Variants in ADAMTSL3 observed in about 807,000 individuals in gnomAD.
ADAMTSL3 encodes the protein ADAMTS like 3.
Under a neutral mutation model 201.7 loss-of-function variants are expected in ADAMTSL3, and 128 were observed. The observed-to-expected ratio is 0.63, with a 90% CI of 0.55 to 0.73. The LOEUF is 0.73. Among genes scored for constraint, ADAMTSL3 ranks in the 30% least tolerant of loss-of-function variants. The pLI, the probability that ADAMTSL3 is intolerant of heterozygous loss-of-function variation, is 0.00. For missense variants in ADAMTSL3, 1,990 were observed against 2,119.6 expected, an observed-to-expected ratio of 0.94 and a Z score of 1.20; for synonymous variants, 738 against 748.4, an observed-to-expected ratio of 0.99 and a Z score of 0.23.
At chr15:83,948,013 G>A (rs1004424115) in intron 19 of ADAMTSL3, among the ~76,000 whole-genome samples, 2 of 151,922 alleles carry the variant, frequency 1.3e-5, no homozygotes, top group Non-Finnish European at 2.9e-5. Context: ...CTCCTATATT[G>A]TTATTCGTAT....
chr15:83,927,622 G>T (rs116619449), intron 17 of ADAMTSL3, among the ~76,000 whole-genome samples: 2,020 of 152,198 alleles, frequency 0.013, 39 homozygotes, highest in African/African-American at 0.045. Context: ...ATGAATAAAG[G>T]CTCTTGTTTT....
chr15:83,660,749 G>C (rs545640356), intron 2 of ADAMTSL3, among the ~76,000 whole-genome samples: 157 of 152,228 alleles, frequency 1.0e-3, no homozygotes, highest in South Asian at 5.2e-3. Flanking sequence ...CCCTCTGATG[G>C]TAGTTTCTTT....
At chr15:83,871,653 C>A (rs924216713) in intron 9 of ADAMTSL3, among the ~76,000 whole-genome samples, 3 of 152,172 alleles carry the variant, frequency 2.0e-5, no homozygotes, top group East Asian at 3.9e-4. Context: ...TCTCTGGAAC[C>A]ATGAGCCTGT....
intron 3 of ADAMTSL3, chr15:83,739,776 T>A: frequency 7.4e-6 from 4 of 543,790 alleles, no homozygotes; most frequent in South Asian, 5.9e-5. Context: ...GCCCTAGAAG[T>A]CCCCATCATG....
chr15:83,697,645 G>T (rs1200283215), intron 2 of ADAMTSL3, among the ~76,000 whole-genome samples: 1 of 152,174 alleles, frequency 6.6e-6, no homozygotes, highest in Non-Finnish European at 1.5e-5. Flanking sequence ...GATACGTAGG[G>T]TGAGGTCTGG....
rs1285549785 is a variant in ADAMTSL3, at chr15:83,822,278, C to T, written c.600+2231C>T. Among the ~76,000 whole-genome samples, 15 of 135,018 alleles carry T rather than the reference C, an allele frequency of 1.1e-4. 1 individual carries two copies. Among genetic ancestry groups the T allele is most frequent in the Middle Eastern group, 4.8e-3 (1 of 210 alleles). 88.6% of individuals were successfully genotyped at this position (135,018 alleles called of 152,430 possible). On this transcript the variant is annotated intron_variant, in intron 6 of 29. Transcript: ENST00000286744. ...GCGGAGGGGCTCCTCACTTCTCAGA[C>T]GGGGCGGCTGCCGGGCGGAGGGGCT...
intron 20 of ADAMTSL3, among the ~76,000 whole-genome samples, chr15:83,978,384 AGTG>A (rs1355276398): frequency 6.6e-6 from 1 of 151,960 alleles, no homozygotes; most frequent in Non-Finnish European, 1.5e-5. Context: ...CATTTAGCAC[AGTG>A]GGAGAGGTGG....
chr15:83,692,328 T>G (rs1036774221), intron 2 of ADAMTSL3, among the ~76,000 whole-genome samples: 3 of 151,938 alleles, frequency 2.0e-5, no homozygotes, highest in Non-Finnish European at 4.4e-5. Context: ...GTGATGCCAT[T>G]TTATATACAT....
intron 9 of ADAMTSL3, 54 bp from the exon 10 acceptor site, chr15:83,885,047 G>A: frequency 8.3e-7 from 1 of 1,208,014 alleles, no homozygotes. Flanking sequence ...TGAAAGGTGT[G>A]GAAAGCACTA....
intron 5 of ADAMTSL3, among the ~76,000 whole-genome samples, 167 bp downstream of exon 5, chr15:83,804,862 A>G (rs1159062147): frequency 6.6e-6 from 1 of 152,162 alleles, no homozygotes; most frequent in Non-Finnish European, 1.5e-5. Flanking sequence ...TCTTCCATTT[A>G]TACTACCTTT....
chr15:84,033,265 C>G (rs1198869607), intron 28 of ADAMTSL3, among the ~76,000 whole-genome samples: 1 of 152,088 alleles, frequency 6.6e-6, no homozygotes, highest in African/African-American at 2.4e-5. Context: ...CAAATCTGAT[C>G]CTACCACCAC....
At chr15:83,703,151 A>G (rs1015865288) in intron 2 of ADAMTSL3, among the ~76,000 whole-genome samples, 5 of 152,006 alleles carry the variant, frequency 3.3e-5, no homozygotes, top group African/African-American at 4.8e-5. Flanking sequence ...GTTTTGGCCA[A>G]TTTCTCCCAT....
chr15:83,752,405 A>G (rs1351619518), intron 3 of ADAMTSL3, among the ~76,000 whole-genome samples: 7 of 152,192 alleles, frequency 4.6e-5, no homozygotes, highest in Admixed American at 3.3e-4. Flanking sequence ...AAAATATATG[A>G]TTAAATCTAA....
intron 17 of ADAMTSL3, among the ~76,000 whole-genome samples, chr15:83,934,405 C>T (rs143595597): frequency 9.1e-4 from 139 of 152,284 alleles, no homozygotes; most frequent in African/African-American, 3.2e-3. Context: ...AATGCCTGTA[C>T]CCCCATTATA....
intron 4 of ADAMTSL3, among the ~76,000 whole-genome samples, chr15:83,789,787 A>G (rs1009342915): frequency 5.3e-5 from 8 of 152,168 alleles, no homozygotes; most frequent in African/African-American, 1.9e-4. Flanking sequence ...TACCCTCTTT[A>G]GATAATAACA....
At chr15:83,973,443 C>G (rs2142133793) in intron 20 of ADAMTSL3, among the ~76,000 whole-genome samples, 1 of 152,298 alleles carries the variant, frequency 6.6e-6, no homozygotes, top group South Asian at 2.1e-4. Context: ...AGCTTCAACC[C>G]TGGTATTACC....
intron 7 of ADAMTSL3, among the ~76,000 whole-genome samples, chr15:83,852,373 T>G (rs1330875424): frequency 6.6e-6 from 1 of 152,054 alleles, no homozygotes; most frequent in Non-Finnish European, 1.5e-5. Context: ...CTCAGCCTCT[T>G]AAAGTGCTGG....
Position 83,773,510 on chromosome 15 carries a change from T to C in ADAMTSL3, c.190-13T>C. The C allele has an allele frequency of 1.2e-6, 2 of 1,612,048 alleles. No homozygotes were observed. The highest frequency in any genetic ancestry group is 2.2e-5 in the South Asian group (2 of 90,498). On this transcript the variant is annotated splice_polypyrimidine_tract_variant and intron_variant, in intron 3 of 29. Coordinates refer to ENST00000286744, the MANE Select transcript of ADAMTSL3 (RefSeq NM_207517.3). ...GTGGTTTTTTTTTTGTTTGTTTGCT[T>C]TTTAACATCTAGACCTCAAGAAACA...
intron 17 of ADAMTSL3, among the ~76,000 whole-genome samples, chr15:83,927,574 G>A (rs557533685): frequency 2.2e-4 from 34 of 152,160 alleles, no homozygotes; most frequent in South Asian, 4.2e-4. Flanking sequence ...CTTATTAATG[G>A]CTTCACATTC....
Sources: gnomAD v4.1 joint callset for allele counts (sites outside exome capture counted in the v4.1 genomes callset) on GRCh38, gnomAD v4.1.1 for gene constraint, MANE v1.5 for transcripts, NCBI Gene and HGNC (gene_info 2026-07-23, HGNC 2026-07-21) for gene names.